SATB2: variants seen among roughly 807,000 people sequenced by gnomAD.
SATB2 encodes the protein SATB homeobox 2, also known as DNA-binding protein SATB2.
Under a neutral mutation model 73.4 loss-of-function variants are expected in SATB2, and 1 was observed. The ratio of observed to expected loss-of-function variants is 0.01; its 90% confidence interval spans 0.00 to 0.06. SATB2 has a LOEUF of 0.06. Among genes scored for constraint, SATB2 ranks in the 10% least tolerant of loss-of-function variants. The probability of loss-of-function intolerance (pLI) is 1.00; values close to 1 mark genes in which losing one functional copy is unlikely to be tolerated. For synonymous variants in SATB2, 397 were observed against 367.0 expected (o/e 1.08, Z -0.93); for missense variants, 459 against 945.8 (o/e 0.49, Z 6.75).
chr2:199,304,702 T>A (rs867037380), intron 10 of SATB2, among the ~76,000 whole-genome samples: 1 of 152,192 alleles, frequency 6.6e-6, no homozygotes, highest in African/African-American at 2.4e-5. Context: ...ACGAAGTGTG[T>A]TCAGATCCTG....
chr2:199,285,163 AT>A lies in SATB2; in HGVS notation c.1741-12492del, dbSNP rs566942104. ...ATATAACACATTATTGGGGTCCTCA[AT>A]AGTAACAGTGAAAAGAGATTCTGAG... On this transcript the variant is annotated intron_variant, in intron 10 of 10. Coordinates refer to ENST00000417098, the MANE Select transcript of SATB2 (RefSeq NM_001172509.2). 7.9e-5 allele frequency among the ~76,000 whole-genome samples: 12 copies of A among 152,240 alleles called. No homozygotes were observed. In the South Asian group the frequency reaches 2.3e-3, roughly 29 times the overall value.
In SATB2 at chr2:199,310,220, A is replaced by T. The variant is rs13421225; in HGVS notation, c.1543-1263T>A. ...GCTGTAGGCACTGAACTGTGAAGCC[A>T]CCAGGGATTTATAAACTAATCTGTA... On this transcript the variant is annotated intron_variant, in intron 9 of 10. Transcript: ENST00000417098. 1.8e-3 allele frequency among the ~76,000 whole-genome samples: 274 copies of T among 152,306 alleles called. 1 individual carries two copies. Among genetic ancestry groups the T allele is most frequent in the African/African-American group, 6.1e-3 (255 of 41,572 alleles).
intron 9 of SATB2, among the ~76,000 whole-genome samples, chr2:199,321,492 G>GTATATATACACATACA (rs1458983404): frequency 3.8e-4 from 57 of 149,756 alleles, no homozygotes; most frequent in Admixed American, 5.3e-4. Flanking sequence ...ATGTATATAT[G>GTATATATACACATACA]TGTATATACA....
At chr2:199,391,428 G>C (rs1363141315) in intron 3 of SATB2, among the ~76,000 whole-genome samples, 2 of 78,240 alleles carry the variant, frequency 2.6e-5, no homozygotes, top group Non-Finnish European at 5.0e-5. Flanking sequence ...GCAAGACTCC[G>C]TCTCAAAAAA....
intron 7 of SATB2, among the ~76,000 whole-genome samples, chr2:199,330,461 T>C (rs1688154111): frequency 6.6e-6 from 1 of 152,212 alleles, no homozygotes; most frequent in Admixed American, 6.5e-5. Flanking sequence ...GTCTTTTGTG[T>C]GCGTCTGTGT....
At chr2:199,294,729 TA>T (rs1350071036) in intron 10 of SATB2, among the ~76,000 whole-genome samples, 1 of 152,018 alleles carries the variant, frequency 6.6e-6, no homozygotes, top group African/African-American at 2.4e-5. Flanking sequence ...ACACTATACT[TA>T]AAAAAAATCA....
At chr2:199,428,581 C>A (rs1691403768) in intron 3 of SATB2, among the ~76,000 whole-genome samples, 1 of 152,170 alleles carries the variant, frequency 6.6e-6, no homozygotes, top group Admixed American at 6.5e-5. Context: ...TACTCCCCTA[C>A]CTTTCTTTGC....
intron 6 of SATB2, among the ~76,000 whole-genome samples, chr2:199,353,280 G>C (rs183208606): frequency 1.4e-5 from 2 of 147,622 alleles, no homozygotes; most frequent in East Asian, 4.0e-4. Flanking sequence ...TCAGCCTCCT[G>C]AGTAGCTGGG....
At chr2:199,409,650 G>GTTTTTTTTTGT (rs5837680) in intron 3 of SATB2, among the ~76,000 whole-genome samples, 5 of 146,684 alleles carry the variant, frequency 3.4e-5, no homozygotes, top group East Asian at 2.0e-4. Context: ...ACCAAGACAA[G>GTTTTTTTTTGT]TTTTTTTTGT....
At position 199,275,570 on chromosome 2, in the gene SATB2, A is replaced by G. The variant is rs749244624; in HGVS notation, c.1741-2898T>C. 4.9e-4 allele frequency among the ~76,000 whole-genome samples: 75 copies of G among 152,158 alleles called. No homozygotes were observed. In the Middle Eastern group the frequency reaches 0.014, roughly 28 times the overall value. The stretch of plus-strand genomic sequence containing the variant: ...CTCCTCCGAATTGGAAATTACAAAC[A>G]TGGGGAGTTGTCAGTCTGATAAAGA... On this transcript the variant is annotated intron_variant, in intron 10 of 10. Coordinates refer to ENST00000417098, the MANE Select transcript of SATB2 (RefSeq NM_001172509.2).
At position 199,353,188 on chromosome 2, in the gene SATB2, TC is replaced by T. The variant is rs1194207157; in HGVS notation, c.701-4016del. On this transcript the variant is annotated intron_variant, in intron 6 of 10. Transcript: ENST00000417098. ...TTTTTTTTTTGAGACAGAGCCTCAC[TC>T]CATCACCCAGGCTGGAGTGCAGTGG... 3.8e-5 allele frequency among the ~76,000 whole-genome samples: 4 copies of T among 105,432 alleles called. No homozygotes were observed. The East Asian group carries it at 1.3e-3, about 34-fold the overall frequency. The allele number at this position is 105,432 out of a possible 152,430, so 69.2% of individuals were successfully genotyped here.
intron 6 of SATB2, among the ~76,000 whole-genome samples, chr2:199,359,498 C>CT (rs1024939987): frequency 2.6e-5 from 4 of 151,952 alleles, no homozygotes; most frequent in South Asian, 2.1e-4. Flanking sequence ...ATTTTTCTTT[C>CT]TTTTTTTTCT....
chr2:199,411,355 T>C (rs145659152), intron 3 of SATB2, among the ~76,000 whole-genome samples: 6 of 152,322 alleles, frequency 3.9e-5, no homozygotes, highest in Admixed American at 2.6e-4. Flanking sequence ...CTTTCCTTGC[T>C]TATATCTACC....
chr2:199,435,157 T>G (rs566294390), intron 2 of SATB2, among the ~76,000 whole-genome samples: 15 of 151,758 alleles, frequency 9.9e-5, no homozygotes, highest in African/African-American at 3.6e-4. Flanking sequence ...GTAGATTTAT[T>G]TAAAAATATA....
At chr2:199,459,963 C>A (rs1209540624), upstream of SATB2, 2 of 152,468 alleles carry the variant, frequency 1.3e-5, no homozygotes, top group Non-Finnish European at 2.9e-5. The surrounding 1 kb of genome is among the most constrained non-coding windows in gnomAD (Gnocchi z 4.2). Flanking sequence ...GTGTCGGCGC[C>A]CAGATCACCA....
intron 9 of SATB2, among the ~76,000 whole-genome samples, chr2:199,318,623 T>C (rs1003533152): frequency 1.3e-5 from 2 of 152,094 alleles, no homozygotes; most frequent in African/African-American, 4.8e-5. Flanking sequence ...TCATGGGTGA[T>C]CCATGTTTTC....
intron 3 of SATB2, among the ~76,000 whole-genome samples, chr2:199,384,959 T>A (rs1689885392): frequency 6.6e-6 from 1 of 152,190 alleles, no homozygotes; most frequent in South Asian, 2.1e-4. Flanking sequence ...TTATATTAGC[T>A]TTCAGTCATG....
intron 10 of SATB2, among the ~76,000 whole-genome samples, chr2:199,302,097 A>C (rs1000268747): frequency 4.6e-5 from 7 of 152,188 alleles, no homozygotes; most frequent in African/African-American, 1.7e-4. Flanking sequence ...AAGAAACTGC[A>C]CATTTCTTTG....
intron 3 of SATB2, chr2:199,397,584 C>A: frequency 6.0e-6 from 1 of 167,356 alleles, no homozygotes; most frequent in Non-Finnish European, 1.3e-5. Flanking sequence ...GCTTTTTTTG[C>A]TTTAGAAAGA....
Sources: gnomAD v4.1 joint callset for allele counts (sites outside exome capture counted in the v4.1 genomes callset) on GRCh38, gnomAD v4.1.1 for gene constraint, Gnocchi (gnomAD v3.1) non-coding constraint, MANE v1.5 for transcripts, NCBI Gene and HGNC (gene_info 2026-07-23, HGNC 2026-07-21) for gene names.